Variants in EXOC6B observed in about 807,000 individuals in gnomAD.
EXOC6B encodes SEC15 homolog B.
EXOC6B carries 54 observed loss-of-function variants against 113.5 expected under a neutral mutation model. The observed-to-expected ratio is 0.48, with a 90% CI of 0.38 to 0.60. The LOEUF (loss-of-function observed/expected upper bound fraction) is 0.60, where lower values mean the gene tolerates loss of function less well. Ranked by LOEUF, EXOC6B falls within the 20% of genes least tolerant of loss-of-function variation. The pLI is 0.00. For missense variants in EXOC6B, 797 were observed against 977.5 expected (o/e 0.82, Z 2.46); for synonymous variants, 357 against 339.0 (o/e 1.05, Z -0.58).
intron 1 of EXOC6B, among the ~76,000 whole-genome samples, chr2:72,768,118 C>G (rs1683200601): frequency 7.8e-6 from 1 of 128,680 alleles, no homozygotes; most frequent in Non-Finnish European, 1.6e-5. Flanking sequence ...AGTGAGACTC[C>G]GTTAAAAAAA....
chr2:72,697,105 C>CAGATATAGATATAGATAT (rs70963140), intron 6 of EXOC6B, among the ~76,000 whole-genome samples: 4,475 of 142,720 alleles, frequency 0.031, 153 homozygotes, highest in African/African-American at 0.081. Flanking sequence ...TTTTTATATA[C>CAGATATAGATATAGATAT]AGATATAGAT....
intron 6 of EXOC6B, among the ~76,000 whole-genome samples, chr2:72,709,112 G>A (rs1679096797): frequency 6.6e-6 from 1 of 151,598 alleles, no homozygotes; most frequent in Non-Finnish European, 1.5e-5. Context: ...AGATGTAGAA[G>A]GATGTGAGAA....
At chr2:72,448,914 C>T (rs555932896) in intron 18 of EXOC6B, among the ~76,000 whole-genome samples, 1 of 152,072 alleles carries the variant, frequency 6.6e-6, no homozygotes, top group African/African-American at 2.4e-5. Flanking sequence ...TCTTTTGGGC[C>T]GATAGAGAGT....
intron 18 of EXOC6B, among the ~76,000 whole-genome samples, chr2:72,407,969 T>G (rs1314819963): frequency 1.3e-5 from 2 of 152,276 alleles, no homozygotes; most frequent in Middle Eastern, 3.4e-3. Flanking sequence ...GAAAACCCCA[T>G]CGTCTCAGCC....
chr2:72,658,430 T>C (rs930564922), intron 6 of EXOC6B, among the ~76,000 whole-genome samples: 11 of 152,038 alleles, frequency 7.2e-5, no homozygotes, highest in African/African-American at 2.7e-4. Flanking sequence ...AAATAATTTG[T>C]AATTGTTCTT....
intron 18 of EXOC6B, among the ~76,000 whole-genome samples, chr2:72,455,155 C>T (rs1697144714): frequency 6.6e-6 from 1 of 152,044 alleles, no homozygotes. Context: ...TGCCTCTAGC[C>T]CTTTTTAAGG....
chr2:72,408,544 C>T (rs1358387316), intron 18 of EXOC6B, among the ~76,000 whole-genome samples: 1 of 152,010 alleles, frequency 6.6e-6, no homozygotes, highest in Admixed American at 6.6e-5. Context: ...CAGAATAGAG[C>T]CCTCAGAAAT....
chr2:72,366,863 A>G (rs1350743952), intron 19 of EXOC6B, among the ~76,000 whole-genome samples: 1 of 150,808 alleles, frequency 6.6e-6, no homozygotes, highest in African/African-American at 2.4e-5. Context: ...TTTTACCAGA[A>G]AAAAAAAAAG....
intron 20 of EXOC6B, among the ~76,000 whole-genome samples, chr2:72,278,092 A>T (rs922248031): frequency 3.9e-5 from 6 of 152,198 alleles, no homozygotes; most frequent in Non-Finnish European, 8.8e-5. Context: ...GCTACATTAA[A>T]CTCAAAAAAT....
Position 72,177,459 on chromosome 2 carries a change from C to T in EXOC6B, c.*1876G>A, listed in dbSNP as rs780491038. The T allele has an allele frequency of 1.3e-5, 2 of 152,228 alleles. No homozygotes were observed. The highest frequency in any genetic ancestry group is 2.9e-5 in the Non-Finnish European group (2 of 68,042). 9.4% of individuals were successfully genotyped at this position (152,228 alleles called of 1,614,324 possible). ...TATAATCGTTTCTCACTTGTTTCAACAAAGATGAGAGCTTGGCGATGCCAT... is the reference window on the plus strand; with the variant it reads ...TATAATCGTTTCTCACTTGTTTCAATAAAGATGAGAGCTTGGCGATGCCAT... On this transcript the variant is annotated 3_prime_UTR_variant, in exon 22 of 22. Transcript: ENST00000272427.
chr2:72,657,002 C>T (rs1674626674), intron 6 of EXOC6B, among the ~76,000 whole-genome samples: 1 of 152,024 alleles, frequency 6.6e-6, no homozygotes, highest in Non-Finnish European at 1.5e-5. Flanking sequence ...CAGGCATGCA[C>T]CACCATGCCC....
chr2:72,731,777 T>C (rs951177408), intron 3 of EXOC6B, among the ~76,000 whole-genome samples: 5 of 152,228 alleles, frequency 3.3e-5, no homozygotes, highest in African/African-American at 1.2e-4. Context: ...AAAAATGTTA[T>C]TATCTGCTTA....
At chr2:72,328,876 T>A (rs1688281084) in intron 20 of EXOC6B, among the ~76,000 whole-genome samples, 1 of 152,118 alleles carries the variant, frequency 6.6e-6, no homozygotes, top group Non-Finnish European at 1.5e-5. Flanking sequence ...TCATTCCTTC[T>A]AATCCTATTA....
chr2:72,477,413 T>C (rs1174829671), intron 17 of EXOC6B, among the ~76,000 whole-genome samples: 1 of 152,204 alleles, frequency 6.6e-6, no homozygotes, highest in Non-Finnish European at 1.5e-5. Context: ...ACCTGCTATC[T>C]GTACCTTCAA....
At chr2:72,487,747 C>G (rs551291244) in intron 16 of EXOC6B, among the ~76,000 whole-genome samples, 1 of 152,190 alleles carries the variant, frequency 6.6e-6, no homozygotes, top group East Asian at 1.9e-4. Flanking sequence ...CATGCTTAGA[C>G]TGGGCTCATG....
At chr2:72,520,793 G>C (rs975584665) in intron 8 of EXOC6B, among the ~76,000 whole-genome samples, 1 of 152,120 alleles carries the variant, frequency 6.6e-6, no homozygotes, top group Non-Finnish European at 1.5e-5. Flanking sequence ...TTAATAATCT[G>C]AACTTCTTAA....
intron 6 of EXOC6B, among the ~76,000 whole-genome samples, chr2:72,713,869 T>C (rs1241730976): frequency 2.6e-5 from 4 of 152,226 alleles, no homozygotes. Context: ...GCTTAGCTAT[T>C]CATCAAACCT....
chr2:72,456,545 C>A (rs544674494), intron 18 of EXOC6B, among the ~76,000 whole-genome samples: 1 of 152,090 alleles, frequency 6.6e-6, no homozygotes, highest in Non-Finnish European at 1.5e-5. Context: ...CTAATAGACA[C>A]GATGGTATAA....
intron 6 of EXOC6B, among the ~76,000 whole-genome samples, chr2:72,589,049 A>C (rs1320269022): frequency 6.6e-6 from 1 of 152,026 alleles, no homozygotes; most frequent in Non-Finnish European, 1.5e-5. Flanking sequence ...TGACGCCAAG[A>C]AGAAAAAAAC....
Sources: gnomAD v4.1 joint callset for allele counts (sites outside exome capture counted in the v4.1 genomes callset) on GRCh38, gnomAD v4.1.1 for gene constraint, MANE v1.5 for transcripts, NCBI Gene and HGNC (gene_info 2026-07-23, HGNC 2026-07-21) for gene names.